CAST: variants seen among roughly 807,000 people sequenced by gnomAD.
The protein encoded by CAST is MIR583 host.
CAST carries 76 observed loss-of-function variants against 119.6 expected under a neutral mutation model. The ratio of observed to expected loss-of-function variants is 0.64; its 90% CI spans 0.53 to 0.77. The LOEUF is 0.77. CAST is among the 30% of genes least tolerant of loss of function. CAST has a pLI of 0.00. For missense variants in CAST, 953 were observed against 946.5 expected, an observed-to-expected ratio of 1.01 and a Z score of -0.09; for synonymous variants, 319 against 331.6, an observed-to-expected ratio of 0.96 and a Z score of 0.41.
intron 1 of CAST, among the ~76,000 whole-genome samples, chr5:96,646,998 C>A (rs1748022037): frequency 6.6e-6 from 1 of 152,182 alleles, no homozygotes; most frequent in Admixed American, 6.5e-5. Context: ...TACCATCTCC[C>A]ATTTCACCAT....
At chr5:96,092,972 C>A in the CAST span, among the ~76,000 whole-genome samples, 3 of 152,186 alleles carry the variant, frequency 2.0e-5, no homozygotes, top group African/African-American at 7.2e-5. Context: ...TTTTCCAATT[C>A]ACCCAATGCC....
the CAST span, among the ~76,000 whole-genome samples, chr5:96,484,820 G>T: frequency 6.6e-6 from 1 of 152,014 alleles, no homozygotes; most frequent in South Asian, 2.1e-4. Flanking sequence ...GCCAATTAAT[G>T]CTACTCTCTT....
In CAST at chr5:96,568,762, A is replaced by T. The variant is rs576629036; in HGVS notation, c.60+38882A>T. 2.6e-5 allele frequency among the ~76,000 whole-genome samples: 4 copies of T among 151,912 alleles called. No homozygotes were observed. The South Asian group carries it at 6.2e-4, about 24-fold the overall frequency. The stretch of plus-strand genomic sequence containing the variant: ...TCCTTGTTGGACAGGGGAGTTATTT[A>T]AAGGAATGGTCAAAGAAAACTAAAA... On this transcript the variant is annotated intron_variant, in intron 1 of 11. Coordinates refer to the CAST transcript ENST00000505143.
At chr5:96,658,518 T>C (rs1748195362), upstream of CAST, among the ~76,000 whole-genome samples, 1 of 152,244 alleles carries the variant, frequency 6.6e-6, no homozygotes, top group Non-Finnish European at 1.5e-5. Flanking sequence ...TGGAAACAGA[T>C]CTATAACATT....
the CAST span, among the ~76,000 whole-genome samples, chr5:96,142,912 C>T: frequency 6.6e-6 from 1 of 152,100 alleles, no homozygotes; most frequent in East Asian, 1.9e-4. Context: ...CTTATCCAGT[C>T]AGACATCCAA....
the CAST span, among the ~76,000 whole-genome samples, chr5:96,315,944 G>A: frequency 2.0e-5 from 3 of 152,148 alleles, no homozygotes; most frequent in Non-Finnish European, 4.4e-5. Flanking sequence ...TGAGAGAGAA[G>A]CTGTTGTGGA....
Position 96,765,290 on chromosome 5 carries a change from C to T in CAST, c.2002C>T (p.Pro668Ser), listed in dbSNP as rs777551590. Residue 668 changes from proline (P) to serine (S), a missense_variant, in exon 26 of 32, where the codon CCA becomes TCA. Pro to Ser is a moderately conservative substitution (Grantham distance 74). Coordinates refer to ENST00000675179, the MANE Select transcript of CAST (RefSeq NM_001750.7). ...CAGTCTAGGACAAAGGCAGCCTGAC[C>T]CAGATGAGAACAAACCAATGGAAGA... ...SDSLGQRQPD[P>S]DENKPMEDKV... is the part of the protein sequence containing the mutation. 6.4e-7 allele frequency: 1 copy of T among 1,566,874 alleles called. No homozygotes were observed. The highest frequency in any genetic ancestry group is 1.1e-5 in the South Asian group (1 of 89,810).
chr5:95,964,296 G>A, the CAST span, among the ~76,000 whole-genome samples: 1 of 152,094 alleles, frequency 6.6e-6, no homozygotes, highest in Non-Finnish European at 1.5e-5. Flanking sequence ...GCTGATGAAA[G>A]GTGCTTTTTG....
the CAST span, among the ~76,000 whole-genome samples, chr5:96,400,686 TTATC>T: frequency 6.6e-6 from 1 of 152,186 alleles, no homozygotes; most frequent in African/African-American, 2.4e-5. Flanking sequence ...GCCTTTTTCT[TTATC>T]TATCAAAAGC....
chr5:96,261,449 CA>C, the CAST span, among the ~76,000 whole-genome samples: 40 of 152,248 alleles, frequency 2.6e-4, no homozygotes, highest in African/African-American at 8.9e-4. Flanking sequence ...GCTTATATAC[CA>C]TAGGGAAAGG....
At chr5:96,435,734 GC>G in the CAST span, among the ~76,000 whole-genome samples, 1 of 152,178 alleles carries the variant, frequency 6.6e-6, no homozygotes, top group Admixed American at 6.5e-5. Flanking sequence ...TGATTGCCAT[GC>G]CTTTCATGAT....
the CAST span, among the ~76,000 whole-genome samples, chr5:96,155,086 G>A: frequency 2.6e-5 from 4 of 152,176 alleles, no homozygotes; most frequent in Admixed American, 6.5e-5. Context: ...CTGCCATCAG[G>A]TTAGGAAATA....
At chr5:96,481,267 A>T in the CAST span, among the ~76,000 whole-genome samples, 1 of 151,926 alleles carries the variant, frequency 6.6e-6, no homozygotes, top group Non-Finnish European at 1.5e-5. Flanking sequence ...TGAATCTACT[A>T]AAAAAAACAC....
chr5:96,376,798 T>A, the CAST span, among the ~76,000 whole-genome samples: 1 of 152,150 alleles, frequency 6.6e-6, no homozygotes, highest in Non-Finnish European at 1.5e-5. Context: ...ATAAAAAGAG[T>A]TAACTGTAAA....
chr5:96,058,806 C>G, the CAST span, among the ~76,000 whole-genome samples: 1 of 152,018 alleles, frequency 6.6e-6, no homozygotes, highest in South Asian at 2.1e-4. Context: ...ACAAAAAAGC[C>G]GAAGTGTGAA....
At position 96,766,007 on chromosome 5, in the gene CAST, G is replaced by A. The variant is rs375598339; in HGVS notation, c.2038-46G>A. ...GCATTTGACAATGTATTTTCTAAGT[G>A]AAAGAGGAAATGAATATTAATTCTA... On this transcript the variant is annotated intron_variant, in intron 26 of 31. Transcript: ENST00000675179. 14 of 1,076,344 alleles carry A rather than the reference G, an allele frequency of 1.3e-5. 1 individual carries two copies. The African/African-American group carries it at 2.2e-4, about 17-fold the overall frequency. 66.7% of individuals were successfully genotyped at this position (1,076,344 alleles called of 1,614,324 possible). A position where few individuals can be genotyped will look rare whatever the true frequency, so the allele number is the denominator to read the frequency against.
chr5:96,488,663 C>T, the CAST span, among the ~76,000 whole-genome samples: 112 of 152,178 alleles, frequency 7.4e-4, no homozygotes, highest in Non-Finnish European at 1.3e-3. Context: ...GAGAGGACTC[C>T]GTTTCCTTTC....
chr5:96,100,586 C>T, the CAST span, among the ~76,000 whole-genome samples: 1 of 152,152 alleles, frequency 6.6e-6, no homozygotes, highest in African/African-American at 2.4e-5. Context: ...CTGGCTTGTG[C>T]ACTCTCTACC....
chr5:96,490,354 C>CTGTG, the CAST span, among the ~76,000 whole-genome samples: 71,735 of 149,344 alleles, frequency 0.48, 17,641 homozygotes, highest in South Asian at 0.61. Context: ...ATGTGTGTGT[C>CTGTG]TGTGTGTGTG....
Sources: gnomAD v4.1 joint callset for allele counts (sites outside exome capture counted in the v4.1 genomes callset) on GRCh38, gnomAD v4.1.1 for gene constraint, MANE v1.5 for transcripts, NCBI Gene and HGNC (gene_info 2026-07-23, HGNC 2026-07-21) for gene names.